JAKMIP2: variants seen among roughly 807,000 people sequenced by gnomAD.
The protein encoded by JAKMIP2 is janus kinase and microtubule-interacting protein 2.
A neutral mutation model predicts 115.0 loss-of-function variants in JAKMIP2; 25 were observed. The ratio of observed to expected loss-of-function variants is 0.22; its 90% CI spans 0.16 to 0.30. The LOEUF is 0.30. Among genes scored for constraint, JAKMIP2 ranks in the 10% least tolerant of loss-of-function variants. The pLI is 1.00. For synonymous variants in JAKMIP2, 334 were observed against 343.6 expected (o/e 0.97, Z 0.31); for missense variants, 642 against 957.6 (o/e 0.67, Z 4.35).
intron 1 of JAKMIP2, among the ~76,000 whole-genome samples, chr5:147,773,187 T>A (rs1221043217): frequency 2.6e-5 from 4 of 151,988 alleles, no homozygotes; most frequent in African/African-American, 9.7e-5. Flanking sequence ...TCTGAAAAAA[T>A]TTTCAAATTT....
chr5:147,681,168 T>C (rs141666930), intron 1 of JAKMIP2, among the ~76,000 whole-genome samples: 39 of 152,188 alleles, frequency 2.6e-4, no homozygotes, highest in Non-Finnish European at 5.3e-4. Flanking sequence ...AAACTTCACA[T>C]TTGAAATATG....
intron 3 of JAKMIP2, among the ~76,000 whole-genome samples, chr5:147,659,490 C>T (rs1238340641): frequency 6.6e-6 from 1 of 152,078 alleles, no homozygotes; most frequent in Non-Finnish European, 1.5e-5. Context: ...CCATCTTGGC[C>T]CCTCCCCTTC....
At chr5:147,753,012 A>G (rs1270719356) in intron 1 of JAKMIP2, among the ~76,000 whole-genome samples, 1 of 152,040 alleles carries the variant, frequency 6.6e-6, no homozygotes, top group African/African-American at 2.4e-5. Flanking sequence ...TTGCAAAGCA[A>G]CCCAATGACT....
rs1752573349 is a variant in JAKMIP2 at position 147,706,704 on chromosome 5, C to G, written c.-148-34750G>C. Among the ~76,000 whole-genome samples the G allele has an allele frequency of 2.6e-5, 4 of 152,062 alleles. No individual in the cohort carries two copies. The South Asian group carries it at 8.3e-4, about 31-fold the overall frequency. ...TGAAAATCCAAAATCTGAAATGATGCTCAAAGGACATGCTCTTCAGAGCAT... is the reference window on the plus strand; with the variant it reads ...TGAAAATCCAAAATCTGAAATGATGGTCAAAGGACATGCTCTTCAGAGCAT... On this transcript the variant is annotated intron_variant, in intron 1 of 21. Transcript: ENST00000616793.
chr5:147,713,744 G>A (rs538120710), intron 1 of JAKMIP2, among the ~76,000 whole-genome samples: 1 of 152,266 alleles, frequency 6.6e-6, no homozygotes, highest in South Asian at 2.1e-4. Context: ...AGGAGAAATG[G>A]CTAAGAGGCT....
intron 1 of JAKMIP2, among the ~76,000 whole-genome samples, chr5:147,749,817 G>GA (rs1378106386): frequency 3.9e-5 from 6 of 152,170 alleles, no homozygotes; most frequent in African/African-American, 1.4e-4. Context: ...CAATGAATGA[G>GA]AAAAAACTGT....
chr5:147,644,226 T>C (rs1305142092), intron 6 of JAKMIP2, 28 bp from the exon 7 acceptor site: 3 of 1,501,862 alleles, frequency 2.0e-6, no homozygotes, highest in Non-Finnish European at 1.8e-6. Flanking sequence ...AAAGTACAGG[T>C]GGAGACTTTA....
At chr5:147,716,116 T>A (rs995303927) in intron 1 of JAKMIP2, among the ~76,000 whole-genome samples, 1 of 147,474 alleles carries the variant, frequency 6.8e-6, no homozygotes, top group Non-Finnish European at 1.5e-5. Context: ...GTTCTTGTGA[T>A]AGTTTACTGA....
chr5:147,735,731 G>T (rs561384908), intron 1 of JAKMIP2, among the ~76,000 whole-genome samples: 2 of 152,186 alleles, frequency 1.3e-5, no homozygotes, highest in South Asian at 4.1e-4. Flanking sequence ...TTAATGATTA[G>T]CCTTCTTTCA....
intron 1 of JAKMIP2, among the ~76,000 whole-genome samples, chr5:147,674,225 A>G (rs937833250): frequency 3.3e-5 from 5 of 152,018 alleles, no homozygotes; most frequent in African/African-American, 4.8e-5. Flanking sequence ...ATTTTCTTCT[A>G]TTTTATTCCT....
intron 1 of JAKMIP2, among the ~76,000 whole-genome samples, chr5:147,685,443 A>G (rs1480948189): frequency 6.6e-6 from 1 of 152,220 alleles, no homozygotes; most frequent in Non-Finnish European, 1.5e-5. Context: ...TATTAAGGAA[A>G]AAGAAGCTCA....
chr5:147,623,101 G>A (rs960682729), intron 17 of JAKMIP2, among the ~76,000 whole-genome samples: 1 of 152,062 alleles, frequency 6.6e-6, no homozygotes, highest in African/African-American at 2.4e-5. Context: ...TTTTTGTAGA[G>A]ATGGGTTCTC....
intron 1 of JAKMIP2, among the ~76,000 whole-genome samples, chr5:147,705,274 C>A (rs761847364): frequency 6.6e-6 from 1 of 151,948 alleles, no homozygotes; most frequent in Admixed American, 6.6e-5. Flanking sequence ...TTCCAGGAAC[C>A]CCTTCACTCA....
At chr5:147,602,705 T>C (rs1755770303) in intron 20 of JAKMIP2, among the ~76,000 whole-genome samples, 1 of 152,210 alleles carries the variant, frequency 6.6e-6, no homozygotes, top group South Asian at 2.1e-4. Flanking sequence ...AAAAAAATAA[T>C]TGATTTCCTT....
chr5:147,685,721 T>A (rs147946611), intron 1 of JAKMIP2, among the ~76,000 whole-genome samples: 3 of 152,320 alleles, frequency 2.0e-5, no homozygotes, highest in Non-Finnish European at 2.9e-5. Context: ...AACTTCAACA[T>A]AATGTGATGT....
chr5:147,634,189 G>A (rs1757501243), intron 12 of JAKMIP2, among the ~76,000 whole-genome samples: 1 of 152,066 alleles, frequency 6.6e-6, no homozygotes, highest in Non-Finnish European at 1.5e-5. Flanking sequence ...TACCTATTTA[G>A]GTTCATTGTC....
At chr5:147,600,780 T>C (rs1263362923) in intron 21 of JAKMIP2, among the ~76,000 whole-genome samples, 2 of 152,156 alleles carry the variant, frequency 1.3e-5, no homozygotes, top group Admixed American at 6.6e-5. Context: ...AAAATCTATA[T>C]TTTTAAGCAC....
intron 20 of JAKMIP2, among the ~76,000 whole-genome samples, chr5:147,607,298 T>C (rs1025166790): frequency 6.6e-6 from 1 of 152,234 alleles, no homozygotes; most frequent in Non-Finnish European, 1.5e-5. Context: ...CAGTATGATA[T>C]TGGCTGTGGG....
At chr5:147,731,104 C>T (rs1419651084) in intron 1 of JAKMIP2, among the ~76,000 whole-genome samples, 1 of 152,082 alleles carries the variant, frequency 6.6e-6, no homozygotes, top group Non-Finnish European at 1.5e-5. Context: ...TGAGTGTCCC[C>T]GGCCAGATTC....
Sources: gnomAD v4.1 joint callset for allele counts (sites outside exome capture counted in the v4.1 genomes callset) on GRCh38, gnomAD v4.1.1 for gene constraint, MANE v1.5 for transcripts, NCBI Gene and HGNC (gene_info 2026-07-23, HGNC 2026-07-21) for gene names.